The following SRGAP3 variants were observed in gnomAD, a reference collection of about 807,000 sequenced individuals.
The protein encoded by SRGAP3 is SLIT-ROBO Rho GTPase activating protein 3, also known as SLIT-ROBO Rho GTPase-activating protein 3.
In SRGAP3, 39 loss-of-function variants were observed where a neutral mutation model predicts 121.1. The ratio of observed to expected loss-of-function variants is 0.32; its 90% CI spans 0.25 to 0.42. SRGAP3 has a LOEUF of 0.42. Among genes scored for constraint, SRGAP3 ranks in the 10% least tolerant of loss-of-function variants. The pLI is 1.00. For missense variants in SRGAP3, 1,213 were observed against 1,470.6 expected (o/e 0.82, Z 2.86); for synonymous variants, 601 against 570.0 (o/e 1.05, Z -0.77).
intron 2 of SRGAP3, among the ~76,000 whole-genome samples, chr3:9,120,917 C>G (rs181320587): frequency 6.6e-6 from 1 of 152,292 alleles, no homozygotes; most frequent in East Asian, 1.9e-4. Context: ...AGTGCGTATT[C>G]CTGGGCAGCA....
intron 3 of SRGAP3, chr3:9,081,159 G>C: frequency 2.4e-6 from 1 of 420,102 alleles, no homozygotes; most frequent in South Asian, 1.7e-5. Context: ...AGCTTTCAAG[G>C]ACTGGTTACA....
At chr3:9,298,825 G>T (rs1954997840) in intron 3 of SRGAP3, among the ~76,000 whole-genome samples, 2 of 151,744 alleles carry the variant, frequency 1.3e-5, no homozygotes, top group African/African-American at 4.8e-5. Flanking sequence ...GCCGAGGCAG[G>T]CAGATCACTT....
At chr3:9,320,907 A>G (rs1367872644) in intron 3 of SRGAP3, among the ~76,000 whole-genome samples, 1 of 151,846 alleles carries the variant, frequency 6.6e-6, no homozygotes, top group African/African-American at 2.4e-5. Flanking sequence ...CACATTATAT[A>G]TATATAGTGT....
At chr3:9,055,960 C>G (rs1010036271) in intron 8 of SRGAP3, among the ~76,000 whole-genome samples, 4 of 152,118 alleles carry the variant, frequency 2.6e-5, no homozygotes, top group African/African-American at 4.8e-5. Flanking sequence ...AGTGCAGTGG[C>G]GTGATCTCAG....
intron 3 of SRGAP3, among the ~76,000 whole-genome samples, chr3:9,289,227 C>T (rs1954832918): frequency 6.6e-6 from 1 of 152,144 alleles, no homozygotes; most frequent in Admixed American, 6.6e-5. Context: ...TCTTTATTCA[C>T]AATTTTATTT....
intron 17 of SRGAP3, 107 bp from the exon 18 acceptor site, chr3:9,010,494 C>G: frequency 2.6e-6 from 3 of 1,165,754 alleles, no homozygotes; most frequent in South Asian, 1.2e-5. Context: ...TCCCGCAGCT[C>G]AGATGCAGGC....
At chr3:9,360,626 TG>T (rs2030746845) in intron 1 of SRGAP3, among the ~76,000 whole-genome samples, 1 of 152,178 alleles carries the variant, frequency 6.6e-6, no homozygotes, top group South Asian at 2.1e-4. Flanking sequence ...ACAATCATGG[TG>T]GAAGGTGAAA....
At chr3:9,137,773 A>G (rs983190677) in intron 1 of SRGAP3, among the ~76,000 whole-genome samples, 1 of 152,158 alleles carries the variant, frequency 6.6e-6, no homozygotes, top group Non-Finnish European at 1.5e-5. Flanking sequence ...TTCCCATAGC[A>G]TCTGTGCTGT....
intron 1 of SRGAP3, among the ~76,000 whole-genome samples, chr3:9,200,896 A>G (rs1226366374): frequency 2.0e-5 from 3 of 152,192 alleles, no homozygotes; most frequent in Non-Finnish European, 4.4e-5. Flanking sequence ...CAGCAGTACC[A>G]GTAACAGAAT....
chr3:9,058,610 G>A, intron 6 of SRGAP3, 138 bp from the exon 7 acceptor site: 1 of 872,740 alleles, frequency 1.1e-6, no homozygotes, highest in South Asian at 1.5e-5. Flanking sequence ...AGGCACTTTG[G>A]AATCCTACTG....
intron 19 of SRGAP3, 179 bp downstream of exon 19, chr3:8,994,164 C>T (rs536315969): frequency 2.7e-5 from 22 of 829,940 alleles, no homozygotes; most frequent in Admixed American, 2.1e-4. Flanking sequence ...TTTGGATATC[C>T]GTTAAGTGGA....
intron 1 of SRGAP3, among the ~76,000 whole-genome samples, chr3:9,133,648 G>A (rs1949541656): frequency 1.3e-5 from 2 of 152,080 alleles, no homozygotes; most frequent in African/African-American, 4.8e-5. Context: ...CATCAACAAT[G>A]CTGGAATGAA....
Position 8,990,692 on chromosome 3 carries a change from G to C in SRGAP3, c.2706C>G (p.Thr902=), listed in dbSNP as rs767803588. The change falls in exon 21 of 22, where the codon ACC becomes ACG. Residue 902 remains threonine (T), a synonymous_variant. Transcript: ENST00000383836. The stretch of plus-strand genomic sequence containing the variant: ...TCTCAGGGCTCTCGATCCTCCCCCG[G>C]GTGAGGGGGATTTTGTGGGGGCTGC... ...CPSSPHKIPL[T]RGRIESPEKR... is the part of the protein sequence containing the mutation. 4 of 1,613,206 alleles carry C rather than the reference G, an allele frequency of 2.5e-6. No homozygotes were observed. The highest frequency in any genetic ancestry group is 1.3e-5 in the African/African-American group (1 of 74,934).
rs186171003 is a variant in SRGAP3, at chr3:9,167,568, G to T, written c.68-42651C>A. 2.9e-3 allele frequency among the ~76,000 whole-genome samples: 444 copies of T among 152,262 alleles called. 2 individuals are homozygous for T. Among genetic ancestry groups the T allele is most frequent in the Non-Finnish European group, 5.4e-3 (370 of 68,028 alleles). Reference sequence around the variant, plus strand: ...GAATTCCCTGCTGTCAACGCCTAGGGGGGGAGCAGGAAGTTGGGACCGCAT... The same window carrying T: ...GAATTCCCTGCTGTCAACGCCTAGGTGGGGAGCAGGAAGTTGGGACCGCAT... On this transcript the variant is annotated intron_variant, in intron 1 of 21. Transcript: ENST00000383836.
At chr3:8,997,781 A>AC (rs1942495621) in intron 18 of SRGAP3, among the ~76,000 whole-genome samples, 1 of 152,082 alleles carries the variant, frequency 6.6e-6, no homozygotes, top group African/African-American at 2.4e-5. Context: ...ATATCTATCC[A>AC]CCCTTCTATC....
intron 14 of SRGAP3, among the ~76,000 whole-genome samples, chr3:9,023,550 T>C (rs528530917): frequency 6.1e-4 from 93 of 152,248 alleles, no homozygotes; most frequent in African/African-American, 2.0e-3. Context: ...TCCTCCCCAC[T>C]CCATCCAGGC....
intron 1 of SRGAP3, among the ~76,000 whole-genome samples, chr3:9,353,437 A>C (rs2030306801): frequency 6.6e-6 from 1 of 152,240 alleles, no homozygotes; most frequent in East Asian, 1.9e-4. Flanking sequence ...TTTCCAAACG[A>C]ATGAGCTGCT....
chr3:9,073,616 C>A (rs1392457493), intron 4 of SRGAP3, among the ~76,000 whole-genome samples: 7 of 152,190 alleles, frequency 4.6e-5, no homozygotes, highest in Non-Finnish European at 8.8e-5. Flanking sequence ...CTAAGACGGG[C>A]GTGGTCATAA....
intron 3 of SRGAP3, among the ~76,000 whole-genome samples, chr3:9,302,713 T>C (rs1188487685): frequency 6.6e-6 from 1 of 152,164 alleles, no homozygotes; most frequent in Admixed American, 6.5e-5. Context: ...GGCTAGCGTC[T>C]GCCGCGGGGT....
Sources: gnomAD v4.1 joint callset for allele counts (sites outside exome capture counted in the v4.1 genomes callset) on GRCh38, gnomAD v4.1.1 for gene constraint, MANE v1.5 for transcripts, NCBI Gene and HGNC (gene_info 2026-07-23, HGNC 2026-07-21) for gene names.